Variants in DCTD observed in about 807,000 individuals in gnomAD.
The protein encoded by DCTD is dCMP deaminase, also known as deoxycytidylate deaminase.
In DCTD, 23 loss-of-function variants were observed where a neutral mutation model predicts 21.0. The observed-to-expected ratio is 1.09, with a 90% CI of 0.79 to 1.55. The LOEUF (loss-of-function observed/expected upper bound fraction) is 1.55, where lower values mean the gene tolerates loss of function less well. Ranked by LOEUF, DCTD falls within the 40% of genes most tolerant of loss-of-function variation. The probability of loss-of-function intolerance (pLI) is 0.00; values close to 1 mark genes in which losing one functional copy is unlikely to be tolerated. For missense variants in DCTD, 224 were observed against 230.0 expected, an observed-to-expected ratio of 0.97 and a Z score of 0.17; for synonymous variants, 71 against 81.1, an observed-to-expected ratio of 0.88 and a Z score of 0.67.
At chr4:182,897,902 A>G (rs912420670) in intron 3 of DCTD, among the ~76,000 whole-genome samples, 3 of 152,158 alleles carry the variant, frequency 2.0e-5, no homozygotes, top group African/African-American at 4.8e-5. Context: ...ACACTCGTCT[A>G]TCAGCTCCAG....
chr4:182,903,498 C>T (rs914860386), intron 3 of DCTD, among the ~76,000 whole-genome samples: 4 of 152,136 alleles, frequency 2.6e-5, no homozygotes, highest in South Asian at 2.1e-4. Flanking sequence ...AGAAACCCGC[C>T]GCATGCGTGG....
intron 3 of DCTD, among the ~76,000 whole-genome samples, chr4:182,905,363 T>C (rs1036801139): frequency 7.1e-6 from 1 of 141,752 alleles, no homozygotes; most frequent in African/African-American, 2.6e-5. Context: ...AAAGTCTCAC[T>C]CTGTTGCCAG....
intron 3 of DCTD, among the ~76,000 whole-genome samples, chr4:182,909,403 G>A (rs988136121): frequency 5.9e-5 from 9 of 152,108 alleles, no homozygotes; most frequent in Non-Finnish European, 1.2e-4. Flanking sequence ...TCTTTTCTAT[G>A]CAGTTGTTCA....
intron 3 of DCTD, among the ~76,000 whole-genome samples, chr4:182,905,475 C>T (rs2464969): frequency 0.27 from 40,450 of 151,698 alleles, 5,553 homozygotes; most frequent in Non-Finnish European, 0.31. Flanking sequence ...ACTACAGGCA[C>T]GCACCAACAC....
intron 3 of DCTD, among the ~76,000 whole-genome samples, chr4:182,905,816 C>A (rs1350098018): frequency 1.3e-5 from 2 of 152,234 alleles, no homozygotes; most frequent in African/African-American, 2.4e-5. Context: ...GACCACCCAA[C>A]CCTTTGCAGG....
chr4:182,900,285 C>T (rs1735497032), intron 3 of DCTD, among the ~76,000 whole-genome samples: 2 of 151,958 alleles, frequency 1.3e-5, no homozygotes, highest in South Asian at 4.2e-4. Context: ...CACTGTACTC[C>T]AGTCTGGGCA....
intron 3 of DCTD, among the ~76,000 whole-genome samples, chr4:182,901,600 A>G (rs1735752731): frequency 6.6e-6 from 1 of 152,122 alleles, no homozygotes; most frequent in Admixed American, 6.5e-5. Context: ...CAGAGCACGG[A>G]CAGTTCTGTT....
intron 1 of DCTD, chr4:182,916,272 G>T: frequency 5.1e-6 from 3 of 588,826 alleles, no homozygotes; most frequent in Non-Finnish European, 6.4e-6. Context: ...CAAGGTTTTT[G>T]GAACGTAGTT....
intron 3 of DCTD, among the ~76,000 whole-genome samples, chr4:182,897,465 T>C (rs1242743962): frequency 1.3e-5 from 2 of 150,588 alleles, no homozygotes; most frequent in Non-Finnish European, 3.0e-5. Flanking sequence ...ATAACTGGAA[T>C]CTGCATTTCC....
At position 182,891,229 on chromosome 4, in the gene DCTD, T is replaced by C; in HGVS notation, c.*170A>G. On this transcript the variant is annotated 3_prime_UTR_variant, in exon 6 of 6. Transcript: ENST00000438320. Reference sequence around the variant, plus strand: ...AGCAATAGTTCAAACACATGTAGATTCCATGTGACAAGAGAGACAGTAAGG... The same window carrying C: ...AGCAATAGTTCAAACACATGTAGATCCCATGTGACAAGAGAGACAGTAAGG... 1 of 624,278 alleles carries C rather than the reference T, an allele frequency of 1.6e-6. No homozygotes were observed. The highest frequency in any genetic ancestry group is 2.9e-6 in the Non-Finnish European group (1 of 348,920). 38.7% of individuals were successfully genotyped at this position (624,278 alleles called of 1,614,324 possible).
rs1733600690 is a variant in DCTD, at chr4:182,890,712, A to C, written c.*687T>G. On this transcript the variant is annotated 3_prime_UTR_variant, in exon 6 of 6. Transcript: ENST00000438320. ...TGACCAACAAACCCAAATTGAGCCA[A>C]AACAACAGGCGTCCCCACCCCCCAG... 1 of 152,360 alleles carries C rather than the reference A, an allele frequency of 6.6e-6. No individual in the cohort carries two copies. Among genetic ancestry groups the C allele is most frequent in the African/African-American group, 2.4e-5 (1 of 41,464 alleles). 9.4% of individuals were successfully genotyped at this position (152,360 alleles called of 1,614,324 possible).
In DCTD at chr4:182,890,317, A is replaced by G. The variant is rs1001877455; in HGVS notation, c.*1082T>C. 2 of 152,262 alleles carry G rather than the reference A, an allele frequency of 1.3e-5. No individual in the cohort carries two copies. Among genetic ancestry groups the G allele is most frequent in the African/African-American group, 2.4e-5 (1 of 41,472 alleles). The allele number at this position is 152,262 out of a possible 1,614,324, so 9.4% of individuals were successfully genotyped here. On this transcript the variant is annotated 3_prime_UTR_variant, in exon 6 of 6. Transcript: ENST00000438320. ...TTAAATGAGATTAAAGAGAAGGGGC[A>G]CAGCCACACGCTCCCCGCCCCGCGG... is the stretch of plus-strand genomic sequence containing the variant.
In DCTD at chr4:182,915,591, G is replaced by A. The variant is rs775397157; in HGVS notation, c.-7-16C>T. ...CATGTTGGGTCTAGAAGAAAAACAT[G>A]ACAAAACAGAAGTTGAGAGAAGCAT... is the stretch of plus-strand genomic sequence containing the variant. On this transcript the variant is annotated splice_polypyrimidine_tract_variant and intron_variant, in intron 1 of 5. Transcript: ENST00000438320. 30 of 1,512,744 alleles carry A rather than the reference G, an allele frequency of 2.0e-5. No homozygotes were observed. Among genetic ancestry groups the A allele is most frequent in the Middle Eastern group, 1.7e-4 (1 of 5,880 alleles). The allele number at this position is 1,512,744 out of a possible 1,614,324, so 93.7% of individuals were successfully genotyped here.
intron 3 of DCTD, among the ~76,000 whole-genome samples, chr4:182,896,738 C>A (rs773244113): frequency 6.6e-6 from 1 of 152,166 alleles, no homozygotes; most frequent in African/African-American, 2.4e-5. Context: ...GTGTTAAAAA[C>A]AATTACATGT....
intron 5 of DCTD, 144 bp from the exon 6 acceptor site, chr4:182,891,621 G>C (rs908971250): frequency 3.4e-5 from 21 of 626,286 alleles, no homozygotes; most frequent in Non-Finnish European, 5.4e-5. Flanking sequence ...GCCAATTATA[G>C]TGCACCATAC....
At position 182,917,325 on chromosome 4, in the gene DCTD, T is replaced by TCCGCGCGCAGGCCGGTGCTCGTCC. The variant is rs1386905531; in HGVS notation, c.-46_-23dup. On this transcript the variant is annotated 5_prime_UTR_variant, in exon 1 of 6. Transcript: ENST00000438320. The surrounding 1 kb of genome is among the most constrained non-coding windows in gnomAD (Gnocchi z 4.9). Reference sequence around the variant, plus strand: ...CCCCCGCCCACCATCCGGTGCCGGCTCCGCGCGCAGGCCGGTGCTCGTCCC... The same window carrying TCCGCGCGCAGGCCGGTGCTCGTCC: ...CCCCCGCCCACCATCCGGTGCCGGCTCCGCGCGCAGGCCGGTGCTCGTCCCCGCGCGCAGGCCGGTGCTCGTCCC... 1.1e-4 allele frequency: 121 copies of TCCGCGCGCAGGCCGGTGCTCGTCC among 1,091,362 alleles called. No individual in the cohort carries two copies. The highest frequency in any genetic ancestry group is 1.3e-4 in the Non-Finnish European group (119 of 899,310). The allele number at this position is 1,091,362 out of a possible 1,614,324, so 67.6% of individuals were successfully genotyped here. A position where few individuals can be genotyped will look rare whatever the true frequency, so the allele number is the denominator to read the frequency against.
chr4:182,900,441 A>G (rs1735522614), intron 3 of DCTD, among the ~76,000 whole-genome samples: 1 of 152,174 alleles, frequency 6.6e-6, no homozygotes, highest in East Asian at 1.9e-4. Flanking sequence ...TAGAGTGCAC[A>G]TTTTTGTTGT....
chr4:182,905,889 G>T (rs1736624827), intron 3 of DCTD, among the ~76,000 whole-genome samples: 1 of 152,102 alleles, frequency 6.6e-6, no homozygotes, highest in African/African-American at 2.4e-5. Context: ...CCAAAATCTT[G>T]CTTCTCCTCC....
At chr4:182,902,190 G>A (rs1337146097) in intron 3 of DCTD, among the ~76,000 whole-genome samples, 4 of 152,062 alleles carry the variant, frequency 2.6e-5, no homozygotes, top group East Asian at 3.9e-4. Flanking sequence ...GAATAGCCGC[G>A]ACAGTTAAGC....
Sources: allele counts gnomAD v4.1 joint callset (sites outside exome capture counted in the v4.1 genomes callset), GRCh38; gene constraint gnomAD v4.1.1; non-coding constraint Gnocchi (gnomAD v3.1); transcripts MANE v1.5; gene names NCBI Gene and HGNC (gene_info 2026-07-23, HGNC 2026-07-21).